Variants in OSBPL10 observed in about 807,000 individuals in gnomAD.
OSBPL10 encodes oxysterol binding protein like 10.
Under a neutral mutation model 81.7 loss-of-function variants are expected in OSBPL10, and 49 were observed. The ratio of observed to expected loss-of-function variants is 0.60; its 90% CI spans 0.48 to 0.76. The LOEUF (loss-of-function observed/expected upper bound fraction) is 0.76, where lower values mean the gene tolerates loss of function less well. OSBPL10 is among the 30% of genes least tolerant of loss of function. The probability of loss-of-function intolerance (pLI) is 0.00; values close to 1 mark genes in which losing one functional copy is unlikely to be tolerated. For synonymous variants in OSBPL10, 419 were observed against 383.6 expected (o/e 1.09, Z -1.08); for missense variants, 923 against 987.8 (o/e 0.93, Z 0.88).
chr3:32,014,896 A>G (rs1038238132), intron 2 of OSBPL10, among the ~76,000 whole-genome samples: 2 of 152,186 alleles, frequency 1.3e-5, no homozygotes, highest in African/African-American at 2.4e-5. Flanking sequence ...AAGGGATGTG[A>G]AGGACCTCTT....
chr3:31,792,503 C>T (rs1699040178), intron 4 of OSBPL10, among the ~76,000 whole-genome samples: 1 of 152,118 alleles, frequency 6.6e-6, no homozygotes, highest in Non-Finnish European at 1.5e-5. Flanking sequence ...AAATGACAAA[C>T]CATAGCAGCG....
chr3:31,966,228 TAA>T (rs1405791838), intron 1 of OSBPL10, among the ~76,000 whole-genome samples: 1 of 146,988 alleles, frequency 6.8e-6, no homozygotes, highest in African/African-American at 2.5e-5. Context: ...GGGACGAAAA[TAA>T]AGTCTCAAGA....
At chr3:31,747,073 A>G (rs887842555) in intron 5 of OSBPL10, among the ~76,000 whole-genome samples, 3 of 151,998 alleles carry the variant, frequency 2.0e-5, no homozygotes, top group East Asian at 3.9e-4. Flanking sequence ...AGTGGCTCAC[A>G]CCTGTAATCC....
intron 2 of OSBPL10, among the ~76,000 whole-genome samples, chr3:32,030,971 G>A (rs971418942): frequency 5.6e-4 from 85 of 152,142 alleles, no homozygotes; most frequent in African/African-American, 2.0e-3. Flanking sequence ...TTCGAGACCA[G>A]CCTGCCTAAC....
At chr3:31,883,590 G>GGT (rs528945035) in intron 1 of OSBPL10, among the ~76,000 whole-genome samples, 17 of 143,538 alleles carry the variant, frequency 1.2e-4, no homozygotes, top group Admixed American at 8.6e-4. Context: ...GGACTGCAAT[G>GGT]GTGTGATCTT....
At chr3:31,809,154 T>C (rs1220952599) in intron 4 of OSBPL10, among the ~76,000 whole-genome samples, 1 of 152,108 alleles carries the variant, frequency 6.6e-6, no homozygotes, top group Non-Finnish European at 1.5e-5. Context: ...GGAGGCAAAA[T>C]GATCAATATT....
chr3:31,863,779 T>C (rs1701111684), intron 3 of OSBPL10, among the ~76,000 whole-genome samples: 1 of 152,306 alleles, frequency 6.6e-6, no homozygotes, highest in East Asian at 1.9e-4. Context: ...TACTGGTTAA[T>C]AGTTCTCTCT....
intron 1 of OSBPL10, among the ~76,000 whole-genome samples, chr3:31,977,934 G>A (rs928464063): frequency 3.3e-5 from 5 of 152,144 alleles, no homozygotes; most frequent in African/African-American, 7.2e-5. Context: ...AGTTGAGCAC[G>A]TTCCCATCAT....
In OSBPL10 at chr3:32,029,979, C is replaced by A. The variant is rs115908524; in HGVS notation, n.298+16512G>T. ...GTACCCATTAAAAGTAGCTTGTAAA[C>A]CATTTCCTGAAATTGCTTTCCACCC... On this transcript the variant is annotated intron_variant and non_coding_transcript_variant, in intron 2 of 3. Transcript: ENST00000479173. 8.7e-3 allele frequency among the ~76,000 whole-genome samples: 1,332 copies of A among 152,246 alleles called. 16 individuals carry two copies. The highest frequency in any genetic ancestry group is 0.031 in the African/African-American group (1,267 of 41,540).
chr3:31,959,175 C>A (rs760712917), intron 1 of OSBPL10, among the ~76,000 whole-genome samples: 1 of 152,150 alleles, frequency 6.6e-6, no homozygotes, highest in Non-Finnish European at 1.5e-5. Context: ...AGAAATGCTA[C>A]GAGATATCGG....
At chr3:31,817,374 C>A (rs1327793240) in intron 4 of OSBPL10, among the ~76,000 whole-genome samples, 1 of 152,190 alleles carries the variant, frequency 6.6e-6, no homozygotes, top group Non-Finnish European at 1.5e-5. Flanking sequence ...GAACAGACAT[C>A]CTCAAGCCAG....
intron 3 of OSBPL10, among the ~76,000 whole-genome samples, chr3:31,841,775 AG>A (rs1240271035): frequency 6.6e-6 from 1 of 152,270 alleles, no homozygotes; most frequent in African/African-American, 2.4e-5. Context: ...AACGGTATTT[AG>A]TCCCTACTGT....
At position 31,664,293 on chromosome 3, in the gene OSBPL10, ACT is replaced by A. The variant is rs1255135988; in HGVS notation, c.2097-63_2097-62del. On this transcript the variant is annotated intron_variant, in intron 10 of 11. Coordinates refer to ENST00000396556, the MANE Select transcript of OSBPL10 (RefSeq NM_017784.5). ...GGCCAGCTGGCTGCAAGCTAACGGAACTCTGCCAGGAGCAGCCAGAGCAGCGA... is the reference window on the plus strand; with the variant it reads ...GGCCAGCTGGCTGCAAGCTAACGGAACTGCCAGGAGCAGCCAGAGCAGCGA... 5.1e-6 allele frequency: 8 copies of A among 1,574,382 alleles called. No individual in the cohort carries two copies. In the East Asian group the frequency reaches 1.8e-4, roughly 35 times the overall value.
chr3:31,944,177 TACA>T (rs1201654131), intron 1 of OSBPL10, among the ~76,000 whole-genome samples: 4 of 152,182 alleles, frequency 2.6e-5, no homozygotes, highest in South Asian at 2.1e-4. Context: ...TAGCATATCT[TACA>T]ACAAGTAGAA....
At chr3:31,923,409 C>T (rs958643189) in intron 1 of OSBPL10, among the ~76,000 whole-genome samples, 32 of 152,140 alleles carry the variant, frequency 2.1e-4, no homozygotes, top group Non-Finnish European at 3.1e-4. Flanking sequence ...TGAGAAGGCA[C>T]CAGAGGATCG....
chr3:31,962,604 G>A (rs936779013), intron 1 of OSBPL10, among the ~76,000 whole-genome samples: 29 of 152,066 alleles, frequency 1.9e-4, no homozygotes, highest in African/African-American at 7.0e-4. Context: ...TACTCTGCCT[G>A]ATTCCAGGGG....
At chr3:32,016,007 A>T (rs1699310522) in intron 2 of OSBPL10, among the ~76,000 whole-genome samples, 1 of 152,226 alleles carries the variant, frequency 6.6e-6, no homozygotes, top group East Asian at 1.9e-4. Flanking sequence ...GGGACTGTAA[A>T]CTAGTTCAAC....
rs1700710225 is a variant in OSBPL10, at chr3:31,683,620, A to G, written c.1726+14T>C. 8 of 1,600,584 alleles carry G rather than the reference A, an allele frequency of 5.0e-6. No individual in the cohort carries two copies. The highest frequency in any genetic ancestry group is 1.3e-5 in the African/African-American group (1 of 74,662). On this transcript the variant is annotated intron_variant, in intron 8 of 11. Transcript: ENST00000396556. ...CTGTGTAAGAGCCAAACTCCAACAT[A>G]CGACATGGCTTACCTTCCCCTATCA...
At chr3:31,792,122 G>A (rs1162914315) in intron 4 of OSBPL10, among the ~76,000 whole-genome samples, 4 of 151,764 alleles carry the variant, frequency 2.6e-5, no homozygotes, top group Non-Finnish European at 5.9e-5. Flanking sequence ...CCAGCTACTC[G>A]TGACACTGAG....
Sources: gnomAD v4.1 joint callset for allele counts (sites outside exome capture counted in the v4.1 genomes callset) on GRCh38, gnomAD v4.1.1 for gene constraint, MANE v1.5 for transcripts, NCBI Gene and HGNC (gene_info 2026-07-23, HGNC 2026-07-21) for gene names.